Variants in USP22 observed in about 807,000 individuals in gnomAD.
The protein encoded by USP22 is ubiquitin specific peptidase 22, also known as ubiquitin carboxyl-terminal hydrolase 22.
Under a neutral mutation model 68.1 loss-of-function variants are expected in USP22, and 22 were observed. That is an observed-to-expected ratio of 0.32 (90% CI 0.23 to 0.46). The LOEUF is 0.46. Ranked by LOEUF, USP22 falls within the 20% of genes least tolerant of loss-of-function variation. The pLI is 1.00. For synonymous variants in USP22, 279 were observed against 274.2 expected (o/e 1.02, Z -0.17); for missense variants, 433 against 695.8 (o/e 0.62, Z 4.25).
At chr17:21,014,752 G>A (rs973803079) in intron 6 of USP22, among the ~76,000 whole-genome samples, 1 of 152,128 alleles carries the variant, frequency 6.6e-6, no homozygotes, top group African/African-American at 2.4e-5. Context: ...TTCTCTAAAA[G>A]ACTCCAAGTT....
chr17:21,027,108 C>T (rs977643948), intron 2 of USP22, among the ~76,000 whole-genome samples: 1 of 151,410 alleles, frequency 6.6e-6, no homozygotes, highest in African/African-American at 2.4e-5. Context: ...AAAAATTTTT[C>T]AACACAGGAA....
At chr17:21,042,154 ATTTC>A (rs1972442059) in intron 1 of USP22, 1 of 152,528 alleles carries the variant, frequency 6.6e-6, no homozygotes, top group East Asian at 1.9e-4. Flanking sequence ...TTTTTGAAAT[ATTTC>A]TTTCTCTGCA....
intron 5 of USP22, among the ~76,000 whole-genome samples, chr17:21,016,787 C>T (rs1158968895): frequency 6.6e-6 from 1 of 152,138 alleles, no homozygotes; most frequent in Non-Finnish European, 1.5e-5. Flanking sequence ...GGGTTGACTT[C>T]GGAGGGGCAC....
intron 2 of USP22, among the ~76,000 whole-genome samples, chr17:21,025,253 G>A (rs1055156224): frequency 6.6e-6 from 1 of 151,926 alleles, no homozygotes; most frequent in Non-Finnish European, 1.5e-5. Context: ...ATATACAAAT[G>A]GCCCAACAAG....
At chr17:21,026,871 G>A (rs545841731) in intron 2 of USP22, among the ~76,000 whole-genome samples, 2 of 150,424 alleles carry the variant, frequency 1.3e-5, no homozygotes, top group South Asian at 2.1e-4. Context: ...GTGCGATCTC[G>A]GCTCACTGCA....
chr17:21,004,708 G>A (rs971236363), intron 11 of USP22, among the ~76,000 whole-genome samples: 3 of 151,956 alleles, frequency 2.0e-5, no homozygotes, highest in Middle Eastern at 3.4e-3. Flanking sequence ...GAGGCCAAGA[G>A]TGGGGCTGGG....
At chr17:21,020,244 C>CAAAAAAAAAAAACAA (rs1972136519) in intron 3 of USP22, among the ~76,000 whole-genome samples, 2 of 73,254 alleles carry the variant, frequency 2.7e-5, no homozygotes, top group African/African-American at 1.0e-4. Context: ...AATCAAAAAC[C>CAAAAAAAAAAAACAA]AAAAAAAAAA....
chr17:21,011,412 C>T, intron 7 of USP22, 103 bp from the exon 8 acceptor site: 2 of 1,424,336 alleles, frequency 1.4e-6, no homozygotes, highest in South Asian at 1.3e-5. Context: ...CCGCTGTGCC[C>T]TTTGTCACAG....
intron 3 of USP22, among the ~76,000 whole-genome samples, chr17:21,019,802 TAGAC>T (rs1555529877): frequency 1.3e-5 from 2 of 152,270 alleles, no homozygotes; most frequent in Non-Finnish European, 2.9e-5. Context: ...GCATGTTGGA[TAGAC>T]AGAATTATAA....
At chr17:21,008,338 CGA>C (rs1368706384) in intron 8 of USP22, among the ~76,000 whole-genome samples, 2 of 152,062 alleles carry the variant, frequency 1.3e-5, no homozygotes, top group East Asian at 3.9e-4. Flanking sequence ...ATGTTACTCA[CGA>C]GAGTCACAAA....
chr17:21,027,091 G>A (rs537023400), intron 2 of USP22, among the ~76,000 whole-genome samples: 1 of 151,712 alleles, frequency 6.6e-6, no homozygotes, highest in African/African-American at 2.4e-5. Context: ...ACCACGCCCA[G>A]CCTACAAAAA....
upstream of USP22, chr17:21,043,124 C>CCA (rs1972467240): frequency 6.6e-5 from 2 of 30,520 alleles, 1 homozygote; most frequent in African/African-American, 2.4e-4. Flanking sequence ...GATTACGTCA[C>CCA]CCCCCCCCCC....
chr17:21,020,244 CAAAAAAAAAAAAAAAAAAAA>C (rs3047597), intron 3 of USP22, among the ~76,000 whole-genome samples: 2 of 73,252 alleles, frequency 2.7e-5, no homozygotes, highest in African/African-American at 1.0e-4. Flanking sequence ...AATCAAAAAC[CAAAAAAAAAAAAAAAAAAAA>C]AAAAAGGAAA....
At chr17:21,011,989 T>A (rs757492364) in intron 7 of USP22, among the ~76,000 whole-genome samples, 1 of 152,196 alleles carries the variant, frequency 6.6e-6, no homozygotes, top group African/African-American at 2.4e-5. Flanking sequence ...ATGCTCCTTA[T>A]AGAAAATGGC....
At chr17:21,006,315 A>T (rs1442179012) in intron 10 of USP22, among the ~76,000 whole-genome samples, 1 of 152,244 alleles carries the variant, frequency 6.6e-6, no homozygotes, top group African/African-American at 2.4e-5. Context: ...TGTTCCACGA[A>T]CTAAAATGTT....
intron 4 of USP22, among the ~76,000 whole-genome samples, chr17:21,018,673 G>C (rs1199561284): frequency 1.3e-5 from 2 of 151,806 alleles, no homozygotes; most frequent in Admixed American, 1.3e-4. Context: ...GCTCCAGCCT[G>C]GGCAACAGAG....
intron 1 of USP22, among the ~76,000 whole-genome samples, chr17:21,040,262 C>T (rs1158507698): frequency 6.6e-6 from 1 of 152,144 alleles, no homozygotes; most frequent in Admixed American, 6.5e-5. Flanking sequence ...GCAGATTGTC[C>T]AACTGTTAAT....
chr17:21,006,034 G>T (rs557869175), intron 10 of USP22, among the ~76,000 whole-genome samples: 40 of 152,340 alleles, frequency 2.6e-4, no homozygotes, highest in African/African-American at 9.4e-4. Context: ...CCAGCAGCTG[G>T]AGGCGGTGAG....
intron 6 of USP22, among the ~76,000 whole-genome samples, chr17:21,014,418 CTT>C (rs1266722272): frequency 6.6e-6 from 1 of 152,224 alleles, no homozygotes; most frequent in African/African-American, 2.4e-5. Flanking sequence ...TCTTTCCTCT[CTT>C]ATAAATCATA....
Sources: gnomAD v4.1 joint callset for allele counts (sites outside exome capture counted in the v4.1 genomes callset) on GRCh38, gnomAD v4.1.1 for gene constraint, MANE v1.5 for transcripts, NCBI Gene and HGNC (gene_info 2026-07-23, HGNC 2026-07-21) for gene names.